LAMB4: variants seen among roughly 807,000 people sequenced by gnomAD.
LAMB4 encodes laminin subunit beta 4, also known as laminin subunit beta-4.
A neutral mutation model predicts 199.2 loss-of-function variants in LAMB4; 196 were observed. The ratio of observed to expected loss-of-function variants is 0.98; its 90% CI spans 0.88 to 1.11. LAMB4 has a LOEUF of 1.11. Ranked by LOEUF, LAMB4 falls within the 50% of genes least tolerant of loss-of-function variation. LAMB4 has a pLI of 0.00. For missense variants in LAMB4, 2,080 were observed against 2,171.2 expected (o/e 0.96, Z 0.83); for synonymous variants, 744 against 770.6 (o/e 0.97, Z 0.57).
At chr7:108,080,852 G>A (rs190890205) in intron 14 of LAMB4, among the ~76,000 whole-genome samples, 6 of 151,928 alleles carry the variant, frequency 3.9e-5, no homozygotes, top group African/African-American at 9.7e-5. Flanking sequence ...GGCTGGGTGC[G>A]GTGGCTCAGG....
At chr7:108,036,894 A>C in intron 30 of LAMB4, among the ~76,000 whole-genome samples, 1 of 146,976 alleles carries the variant, frequency 6.8e-6, no homozygotes, top group Non-Finnish European at 1.5e-5. Flanking sequence ...CATTATTTTC[A>C]ATGGCAAAAA....
intron 26 of LAMB4, among the ~76,000 whole-genome samples, chr7:108,050,796 C>A (rs1416631102): frequency 1.3e-5 from 2 of 152,122 alleles, no homozygotes. Context: ...TTTTCTCCTA[C>A]CCTGTGGAGA....
At position 108,088,842 on chromosome 7, in the gene LAMB4, G is replaced by A. The variant is rs182068872; in HGVS notation, c.1701+2784C>T. On this transcript the variant is annotated intron_variant, in intron 14 of 33. Coordinates refer to ENST00000388781, the MANE Select transcript of LAMB4 (RefSeq NM_007356.3). ...CAGAAGGTGTATGGTGAACTCATCT[G>A]ACAGCAATAACTTAAGCATACCCTG... 7.9e-5 allele frequency among the ~76,000 whole-genome samples: 12 copies of A among 152,288 alleles called. No homozygotes were observed. In the East Asian group the frequency reaches 2.3e-3, roughly 29 times the overall value.
the LAMB4 span, among the ~76,000 whole-genome samples, chr7:108,013,078 G>A: frequency 3.3e-5 from 5 of 152,338 alleles, no homozygotes; most frequent in Admixed American, 3.3e-4. Context: ...TGTGTCCCCA[G>A]CACTAGCACA....
chr7:108,124,032 T>TA (rs1280028116), intron 1 of LAMB4, among the ~76,000 whole-genome samples: 1 of 152,082 alleles, frequency 6.6e-6, no homozygotes, highest in Non-Finnish European at 1.5e-5. Flanking sequence ...TTCCTTTTTT[T>TA]AAGACAGTGT....
chr7:108,024,714 G>GATCCATCCATCCATCC (rs772231270), intron 33 of LAMB4, among the ~76,000 whole-genome samples: 9,345 of 151,172 alleles, frequency 0.062, 837 homozygotes, highest in African/African-American at 0.2. Flanking sequence ...TCGATCCATT[G>GATCCATCCATCCATCC]ATCCATCCAT....
At chr7:108,121,726 G>A (rs1323650716) in intron 2 of LAMB4, among the ~76,000 whole-genome samples, 1 of 151,038 alleles carries the variant, frequency 6.6e-6, no homozygotes, top group Non-Finnish European at 1.5e-5. Context: ...CTCCAGCCTG[G>A]GCGACAAGAA....
chr7:108,092,100 G>T (rs1218380949), intron 13 of LAMB4, among the ~76,000 whole-genome samples: 1 of 152,088 alleles, frequency 6.6e-6, no homozygotes, highest in African/African-American at 2.4e-5. Context: ...TTTTAGGCAG[G>T]TCACACGTAT....
At chr7:108,095,387 T>C (rs2037558895) in intron 11 of LAMB4, 50 bp from the exon 12 acceptor site, 2 of 1,343,848 alleles carry the variant, frequency 1.5e-6, no homozygotes, top group Middle Eastern at 1.8e-4. Flanking sequence ...CCTCCACTCT[T>C]GCAAGTGTAC....
In LAMB4 at chr7:108,038,039, A is replaced by G. The variant is rs570547106; in HGVS notation, c.4472-444T>C. On this transcript the variant is annotated intron_variant, in intron 29 of 33. Coordinates refer to ENST00000388781, the MANE Select transcript of LAMB4 (RefSeq NM_007356.3). ...GTCCTCCATGACATTAAAAAGTCTC[A>G]CAATTTTTGCTCATCTATGTAATTG... Among the ~76,000 whole-genome samples, 107 of 152,334 alleles carry G rather than the reference A, an allele frequency of 7.0e-4. 1 individual carries two copies. Among genetic ancestry groups the G allele is most frequent in the Admixed American group, 2.0e-3 (31 of 15,298 alleles).
At chr7:108,094,433 C>T (rs986195422) in intron 12 of LAMB4, among the ~76,000 whole-genome samples, 4 of 152,160 alleles carry the variant, frequency 2.6e-5, no homozygotes, top group Admixed American at 1.3e-4. Context: ...CCCCCACCCC[C>T]TCTGCCCCAT....
intron 17 of LAMB4, among the ~76,000 whole-genome samples, chr7:108,074,172 A>G (rs1352168530): frequency 6.6e-6 from 1 of 151,936 alleles, no homozygotes; most frequent in African/African-American, 2.4e-5. Flanking sequence ...ACCCTCAATA[A>G]ATCACATCTA....
At chr7:108,038,077 T>C (rs2035290027) in intron 29 of LAMB4, among the ~76,000 whole-genome samples, 1 of 152,120 alleles carries the variant, frequency 6.6e-6, no homozygotes. Context: ...TAACTATACC[T>C]GATGCTACAA....
At position 108,041,010 on chromosome 7, in the gene LAMB4, A is replaced by C. The variant is rs576584283; in HGVS notation, c.4471+2742T>G. Among the ~76,000 whole-genome samples, 3 of 152,344 alleles carry C rather than the reference A, an allele frequency of 2.0e-5. No individual in the cohort carries two copies. The South Asian group carries it at 6.2e-4, about 32-fold the overall frequency. On this transcript the variant is annotated intron_variant, in intron 29 of 33. Transcript: ENST00000388781. ...AATTTTTGCAAACTATGCATCTGAC[A>C]AAGGTCTAATATCCAGCATCTATAA...
intron 14 of LAMB4, among the ~76,000 whole-genome samples, chr7:108,087,484 C>G (rs1167760334): frequency 6.6e-6 from 1 of 152,184 alleles, no homozygotes; most frequent in South Asian, 2.1e-4. Context: ...AATGAACTAA[C>G]CTAAAAACAA....
chr7:108,092,390 A>T lies in LAMB4; in HGVS notation c.1497T>A (p.His499Gln), dbSNP rs1402402230. Residue 499 changes from histidine to glutamine, a missense_variant, in exon 13 of 34, where the codon CAT becomes CAA. His to Gln is a conservative substitution (Grantham distance 24, BLOSUM62 0). Transcript: ENST00000388781. ...CTVGYWGLGNHLHGCSPCDCD... is the reference protein window; with the variant it reads ...CTVGYWGLGNQLHGCSPCDCD... ...AGTCACAGGGAGAACACCCATGGAG[A>T]TGATTTCCCAGGCCCCAGTATCCAA... 1.9e-6 allele frequency: 3 copies of T among 1,614,064 alleles called. No homozygotes were observed. The South Asian group carries it at 3.3e-5, about 18-fold the overall frequency.
At chr7:108,066,635 G>A (rs1201770048) in intron 19 of LAMB4, 35 bp from the exon 20 acceptor site, 1 of 1,369,200 alleles carries the variant, frequency 7.3e-7, no homozygotes, top group Non-Finnish European at 1.0e-6. Flanking sequence ...CTGGAGCGGG[G>A]ATGAGTGGTG....
chr7:108,012,120 A>AATG, the LAMB4 span, among the ~76,000 whole-genome samples: 1 of 149,314 alleles, frequency 6.7e-6, no homozygotes, highest in Non-Finnish European at 1.5e-5. Flanking sequence ...AGGCATAGCA[A>AATG]ACAACAACAT....
At chr7:108,022,153 C>A (rs778493277), downstream of LAMB4, among the ~76,000 whole-genome samples, 1 of 152,160 alleles carries the variant, frequency 6.6e-6, no homozygotes, top group Non-Finnish European at 1.5e-5. Context: ...TTTTCTCCAG[C>A]CATTTCTTTT....
Sources: allele counts gnomAD v4.1 joint callset (sites outside exome capture counted in the v4.1 genomes callset), GRCh38; gene constraint gnomAD v4.1.1; transcripts MANE v1.5; gene names NCBI Gene and HGNC (gene_info 2026-07-23, HGNC 2026-07-21).